CFAP20DC: variants seen among roughly 807,000 people sequenced by gnomAD.
CFAP20DC encodes the protein protein CFAP20DC.
In CFAP20DC, 84 loss-of-function variants were observed where a neutral mutation model predicts 101.7. That is an observed-to-expected ratio of 0.83 (90% CI 0.69 to 0.99). CFAP20DC has a LOEUF of 0.99. Ranked by LOEUF, CFAP20DC falls within the 50% of genes least tolerant of loss-of-function variation. The pLI, the probability that CFAP20DC is intolerant of heterozygous loss-of-function variation, is 0.00. For missense variants in CFAP20DC, 1,007 were observed against 970.3 expected (o/e 1.04, Z -0.50); for synonymous variants, 359 against 351.2 (o/e 1.02, Z -0.25).
chr3:58,760,684 C>A (rs2069474871), intron 15 of CFAP20DC, among the ~76,000 whole-genome samples: 1 of 152,088 alleles, frequency 6.6e-6, no homozygotes, highest in South Asian at 2.1e-4. Flanking sequence ...TCATAAATAG[C>A]TCTTATTATT....
At chr3:58,780,077 T>A (rs1390940085) in intron 15 of CFAP20DC, among the ~76,000 whole-genome samples, 2 of 152,034 alleles carry the variant, frequency 1.3e-5, no homozygotes, top group Admixed American at 6.6e-5. Flanking sequence ...TTGAAAGATT[T>A]AAAAAAACTG....
intron 6 of CFAP20DC, among the ~76,000 whole-genome samples, chr3:58,895,403 A>G (rs539650781): frequency 6.6e-6 from 1 of 152,310 alleles, no homozygotes; most frequent in East Asian, 1.9e-4. Context: ...TCAAAGTTCC[A>G]CAAATCTAGG....
In CFAP20DC at chr3:59,009,469, G is replaced by GA. The variant is rs541851919; in HGVS notation, c.278+30087dup. Among the ~76,000 whole-genome samples, 21 of 147,058 alleles carry GA rather than the reference G, an allele frequency of 1.4e-4. No individual in the cohort carries two copies. The East Asian group carries it at 4.3e-3, about 30-fold the overall frequency. On this transcript the variant is annotated intron_variant, in intron 4 of 16. Coordinates refer to ENST00000482387, the MANE Select transcript of CFAP20DC (RefSeq NM_001394063.1). The stretch of plus-strand genomic sequence containing the variant: ...AACTTTCCAGAGGAATAAATATAAA[G>GA]AAAAAACAATCACAACTTCTGGAAT...
At position 58,884,707 on chromosome 3, in the gene CFAP20DC, C is replaced by T. The variant is rs1210493378; in HGVS notation, c.553G>A (p.Val185Ile). 18 of 1,600,326 alleles carry T rather than the reference C, an allele frequency of 1.1e-5. No individual in the cohort carries two copies. The highest frequency in any genetic ancestry group is 9.4e-5 in the African/African-American group (7 of 74,422). The change falls in exon 7 of 17, where the codon GTC becomes ATC. Residue 185 changes from valine to isoleucine, a missense_variant and splice_region_variant. By Grantham distance (29) the Val-to-Ile change is conservative. Transcript: ENST00000482387. Reference sequence around the variant, plus strand: ...TCTGTTGAAAAGGGAACACCATAGACAGCTGGAAATAAAGACAAACATTCA... The same window carrying T: ...TCTGTTGAAAAGGGAACACCATAGATAGCTGGAAATAAAGACAAACATTCA... The part of the protein sequence containing the change: ...KPQDTADKDA[V>I]YGVPFSTDEP...
intron 5 of CFAP20DC, among the ~76,000 whole-genome samples, chr3:58,922,467 A>G (rs1442892809): frequency 6.6e-6 from 1 of 152,234 alleles, no homozygotes; most frequent in African/African-American, 2.4e-5. Flanking sequence ...CAGATCCCTC[A>G]TGAATGGCTT....
At chr3:58,923,737 C>T (rs2085645700) in intron 5 of CFAP20DC, among the ~76,000 whole-genome samples, 1 of 152,052 alleles carries the variant, frequency 6.6e-6, no homozygotes, top group Non-Finnish European at 1.5e-5. Flanking sequence ...TGTATTATTT[C>T]CTCAGCTTAT....
chr3:58,855,877 C>A (rs1350336553), intron 12 of CFAP20DC, among the ~76,000 whole-genome samples: 1 of 149,440 alleles, frequency 6.7e-6, no homozygotes, highest in African/African-American at 2.5e-5. Flanking sequence ...GGAGATATAC[C>A]TAATGCTAGA....
intron 3 of CFAP20DC, among the ~76,000 whole-genome samples, chr3:58,730,850 T>C (rs1265403838): frequency 2.0e-5 from 3 of 152,250 alleles, no homozygotes; most frequent in African/African-American, 4.8e-5. Context: ...ATAACACAAA[T>C]TGAAAGGTGA....
intron 3 of CFAP20DC, among the ~76,000 whole-genome samples, chr3:58,733,451 T>A (rs1001255054): frequency 6.6e-6 from 1 of 152,170 alleles, no homozygotes; most frequent in African/African-American, 2.4e-5. Flanking sequence ...AAAAAATGTA[T>A]TAACAGATAA....
intron 13 of CFAP20DC, among the ~76,000 whole-genome samples, chr3:58,835,499 C>T (rs1013540080): frequency 2.0e-5 from 3 of 152,238 alleles, no homozygotes; most frequent in Middle Eastern, 3.4e-3. Context: ...TAGATTGATT[C>T]GTTAATTTAT....
intron 4 of CFAP20DC, among the ~76,000 whole-genome samples, chr3:58,945,101 TCTA>T (rs1197878613): frequency 2.6e-5 from 4 of 152,198 alleles, no homozygotes; most frequent in South Asian, 2.1e-4. Flanking sequence ...CTACAAGATA[TCTA>T]CTATTATTAT....
chr3:58,881,146 T>A (rs1220373736), intron 7 of CFAP20DC, among the ~76,000 whole-genome samples: 1 of 152,172 alleles, frequency 6.6e-6, no homozygotes, highest in Non-Finnish European at 1.5e-5. Flanking sequence ...TTTTGCTCGA[T>A]GCATTAATTT....
rs1344471613 is a variant in CFAP20DC, at chr3:59,014,639, AGT to A, written c.278+24916_278+24917del. ...TTATCTCAATGGCTGTCAAAAAATG[AGT>A]CTGTTAAGGAGTTAACAGACATCTG... On this transcript the variant is annotated intron_variant, in intron 4 of 16. Transcript: ENST00000482387. This position sits in a 1 kb window ranked among gnomAD's most constrained non-coding sequence, Gnocchi z 4.9. Among the ~76,000 whole-genome samples, 2 of 152,210 alleles carry A rather than the reference AGT, an allele frequency of 1.3e-5. No individual in the cohort carries two copies. Among genetic ancestry groups the A allele is most frequent in the Admixed American group, 6.5e-5 (1 of 15,276 alleles).
At chr3:58,730,559 T>C (rs893647498) in intron 3 of CFAP20DC, among the ~76,000 whole-genome samples, 2 of 152,118 alleles carry the variant, frequency 1.3e-5, no homozygotes, top group Non-Finnish European at 2.9e-5. Flanking sequence ...CTCCTGACCA[T>C]TTGAAAGTGG....
At chr3:59,028,487 G>A (rs2093931677) in intron 4 of CFAP20DC, among the ~76,000 whole-genome samples, 1 of 152,186 alleles carries the variant, frequency 6.6e-6, no homozygotes, top group Non-Finnish European at 1.5e-5. Flanking sequence ...AAAAGGCTTA[G>A]CTCTTTCAAC....
At position 58,781,355 on chromosome 3, in the gene CFAP20DC, T is replaced by G. The variant is rs546651354; in HGVS notation, c.2237+25040A>C. On this transcript the variant is annotated intron_variant, in intron 15 of 16. Coordinates refer to ENST00000482387, the MANE Select transcript of CFAP20DC (RefSeq NM_001394063.1). Reference sequence around the variant, plus strand: ...AGTAGCAAATAAAATAAAAGTAGATTTCAAATAACCAATCTAATGATGCAC... The same window carrying G: ...AGTAGCAAATAAAATAAAAGTAGATGTCAAATAACCAATCTAATGATGCAC... Among the ~76,000 whole-genome samples the G allele has an allele frequency of 7.9e-5, 12 of 151,840 alleles. No homozygotes were observed. In the South Asian group the frequency reaches 2.5e-3, roughly 32 times the overall value.
intron 4 of CFAP20DC, among the ~76,000 whole-genome samples, chr3:59,012,018 C>T (rs1482401653): frequency 6.6e-6 from 1 of 152,138 alleles, no homozygotes; most frequent in Non-Finnish European, 1.5e-5. Flanking sequence ...CAGGCACTTG[C>T]TAAGACACTG....
At chr3:58,743,051 A>G (rs1348388753) in intron 16 of CFAP20DC, among the ~76,000 whole-genome samples, 1 of 152,224 alleles carries the variant, frequency 6.6e-6, no homozygotes, top group African/African-American at 2.4e-5. Flanking sequence ...AATTAAAATA[A>G]TAGAACTATA....
At chr3:58,910,860 C>T (rs541466351) in intron 6 of CFAP20DC, among the ~76,000 whole-genome samples, 9 of 151,864 alleles carry the variant, frequency 5.9e-5, no homozygotes, top group Non-Finnish European at 1.0e-4. Context: ...AGTTTTGATA[C>T]CCAATGTCCA....
Sources: gnomAD v4.1 joint callset for allele counts (sites outside exome capture counted in the v4.1 genomes callset) on GRCh38, gnomAD v4.1.1 for gene constraint, Gnocchi (gnomAD v3.1) non-coding constraint, MANE v1.5 for transcripts, NCBI Gene and HGNC (gene_info 2026-07-23, HGNC 2026-07-21) for gene names.